The following SARNP variants were observed in gnomAD, a reference collection of about 807,000 sequenced individuals.
The protein encoded by SARNP is SAP domain-containing ribonucleoprotein.
SARNP carries 5 observed loss-of-function variants against 38.1 expected under a neutral mutation model. The ratio of observed to expected loss-of-function variants is 0.13; its 90% CI spans 0.07 to 0.28. The LOEUF is 0.28. SARNP is among the 10% of genes least tolerant of loss of function. SARNP has a pLI of 1.00. For missense variants in SARNP, 180 were observed against 243.9 expected (o/e 0.74, Z 1.75); for synonymous variants, 84 against 80.6 (o/e 1.04, Z -0.23).
intron 10 of SARNP, among the ~76,000 whole-genome samples, chr12:55,757,887 T>C (rs1029163183): frequency 1.3e-5 from 2 of 152,094 alleles, no homozygotes; most frequent in Non-Finnish European, 2.9e-5. Context: ...CTGGAAACAA[T>C]GGGCTCTTAA....
chr12:55,806,696 T>C (rs1232533903), intron 1 of SARNP, among the ~76,000 whole-genome samples: 1 of 152,172 alleles, frequency 6.6e-6, no homozygotes, highest in African/African-American at 2.4e-5. Context: ...CATGCCACCA[T>C]GTCCAGCTAA....
At position 55,794,851 on chromosome 12, in the gene SARNP, A is replaced by G. The variant is rs1879774408; in HGVS notation, c.333T>C (p.Asn111=). ...ERMQKRAERF[N]VPVSLESKKA... ...TCTTACTCTCCAAGCTCACAGGTAC[A>G]TTGAATCGTTCAGCCCTCTTCTGCA... The change falls in exon 6 of 11, where the codon AAT becomes AAC. Residue 111 remains asparagine (N), a synonymous_variant. Transcript: ENST00000336133. 6.2e-7 allele frequency: 1 copy of G among 1,608,708 alleles called. No individual in the cohort carries two copies. Among genetic ancestry groups the G allele is most frequent in the Non-Finnish European group, 8.5e-7 (1 of 1,176,674 alleles).
intron 7 of SARNP, chr12:55,794,024 T>A (rs1024151466): frequency 4.0e-6 from 1 of 251,548 alleles, no homozygotes; most frequent in African/African-American, 2.3e-5. Context: ...TTATCACTTA[T>A]AATAGCCAGT....
intron 10 of SARNP, among the ~76,000 whole-genome samples, 190 bp from the exon 11 acceptor site, chr12:55,757,743 T>A (rs1034510040): frequency 3.3e-5 from 5 of 152,032 alleles, no homozygotes; most frequent in African/African-American, 1.2e-4. Context: ...CAGTAGGAGC[T>A]GGAAAGTTTA....
At chr12:55,790,159 A>G (rs1879622063) in intron 8 of SARNP, among the ~76,000 whole-genome samples, 1 of 149,998 alleles carries the variant, frequency 6.7e-6, no homozygotes, top group Non-Finnish European at 1.5e-5. Flanking sequence ...TTCACATTTC[A>G]CGGATAGTAT....
intron 7 of SARNP, among the ~76,000 whole-genome samples, chr12:55,792,255 T>G (rs1879693272): frequency 6.6e-6 from 1 of 152,248 alleles, no homozygotes; most frequent in South Asian, 2.1e-4. Context: ...AGCAAAACAC[T>G]ACAAGAAGAT....
chr12:55,785,711 G>GGTTGTAATAA (rs1393060204), intron 9 of SARNP, among the ~76,000 whole-genome samples: 4 of 151,992 alleles, frequency 2.6e-5, no homozygotes, highest in Non-Finnish European at 5.9e-5. Flanking sequence ...AGGAGGCAGA[G>GGTTGTAATAA]GTTGTAATAA....
intron 9 of SARNP, among the ~76,000 whole-genome samples, chr12:55,767,391 AAAAAAAATTT>A (rs1878868689): frequency 6.6e-6 from 1 of 151,944 alleles, no homozygotes; most frequent in South Asian, 2.1e-4. Context: ...ACCAAAAAAA[AAAAAAAATTT>A]AGCTGGGCAT....
chr12:55,786,578 T>C (rs1879502567), intron 9 of SARNP, among the ~76,000 whole-genome samples: 2 of 152,050 alleles, frequency 1.3e-5, no homozygotes, highest in African/African-American at 4.8e-5. Context: ...GCCTCCCAAG[T>C]AGCTGGGATT....
intron 9 of SARNP, among the ~76,000 whole-genome samples, chr12:55,788,471 A>G (rs1195657639): frequency 1.3e-5 from 2 of 152,178 alleles, no homozygotes; most frequent in Admixed American, 1.3e-4. Context: ...TTTTAACATC[A>G]CTGAATTTAA....
chr12:55,780,047 C>T (rs1879295699), intron 9 of SARNP, among the ~76,000 whole-genome samples: 1 of 152,144 alleles, frequency 6.6e-6, no homozygotes, highest in Admixed American at 6.6e-5. Context: ...ACTCAGGAGG[C>T]TGAGGTGGGA....
chr12:55,789,192 A>T (rs1404381495), intron 8 of SARNP, 49 bp from the exon 9 acceptor site: 1 of 1,337,342 alleles, frequency 7.5e-7, no homozygotes, highest in African/African-American at 1.5e-5. Flanking sequence ...TCAAAACGGA[A>T]AACAAAAAAT....
chr12:55,811,081 CAAA>C (rs11324252), intron 1 of SARNP, among the ~76,000 whole-genome samples: 2 of 142,676 alleles, frequency 1.4e-5, no homozygotes, highest in African/African-American at 2.6e-5. Context: ...GACTCCATCC[CAAA>C]AAAAAAAAAA....
intron 4 of SARNP, among the ~76,000 whole-genome samples, chr12:55,799,285 CA>C (rs1565680935): frequency 1.3e-5 from 2 of 152,148 alleles, no homozygotes; most frequent in African/African-American, 4.8e-5. Context: ...CTATGAGGAA[CA>C]AAAATGTTCA....
intron 9 of SARNP, among the ~76,000 whole-genome samples, chr12:55,776,112 G>A (rs547780755): frequency 2.0e-5 from 3 of 152,084 alleles, no homozygotes; most frequent in East Asian, 1.9e-4. Context: ...GCCTCCACCC[G>A]CAGATACCAA....
chr12:55,794,227 G>C (rs754978832), intron 7 of SARNP, 132 bp downstream of exon 7: 5 of 803,798 alleles, frequency 6.2e-6, no homozygotes, highest in Non-Finnish European at 1.0e-5. Flanking sequence ...TAAAGCAGGA[G>C]ATGAATGTTA....
At chr12:55,766,069 C>T (rs1190340452) in intron 9 of SARNP, among the ~76,000 whole-genome samples, 1 of 152,148 alleles carries the variant, frequency 6.6e-6, no homozygotes, top group Non-Finnish European at 1.5e-5. Context: ...GGCCAATGCT[C>T]CCTCAGGCCA....
At chr12:55,794,244 C>CTTT (rs765827236) in intron 7 of SARNP, 115 bp downstream of exon 7, 1 of 938,472 alleles carries the variant, frequency 1.1e-6, no homozygotes, top group South Asian at 1.4e-5. Context: ...GTTACAATCT[C>CTTT]TTAAAGAGTT....
At chr12:55,765,823 G>A (rs1368352387) in intron 9 of SARNP, among the ~76,000 whole-genome samples, 5 of 151,912 alleles carry the variant, frequency 3.3e-5, no homozygotes, top group Admixed American at 2.0e-4. Context: ...CTCTCTTAAA[G>A]CCTCTTTCCT....
Sources: gnomAD v4.1 joint callset for allele counts (sites outside exome capture counted in the v4.1 genomes callset) on GRCh38, gnomAD v4.1.1 for gene constraint, MANE v1.5 for transcripts, NCBI Gene and HGNC (gene_info 2026-07-23, HGNC 2026-07-21) for gene names.